Variants in ERAP1 observed in about 807,000 individuals in gnomAD.
ERAP1 encodes the protein endoplasmic reticulum aminopeptidase 1, also known as adipocyte-derived leucine aminopeptidase.
A neutral mutation model predicts 103.7 loss-of-function variants in ERAP1; 86 were observed. The observed-to-expected ratio is 0.83, with a 90% CI of 0.70 to 0.99. ERAP1 has a LOEUF of 0.99. Ranked by LOEUF, ERAP1 falls within the 50% of genes least tolerant of loss-of-function variation. The pLI, the probability that ERAP1 is intolerant of heterozygous loss-of-function variation, is 0.00. For missense variants in ERAP1, 1,009 were observed against 1,128.4 expected (o/e 0.89, Z 1.52); for synonymous variants, 398 against 402.4 (o/e 0.99, Z 0.13).
chr5:96,771,843 C>A, downstream of ERAP1: 1 of 503,378 alleles, frequency 2.0e-6, no homozygotes, highest in Non-Finnish European at 3.6e-6. Flanking sequence ...ACTGCAAGAT[C>A]TACAGAGTAA....
the ERAP1 span, among the ~76,000 whole-genome samples, chr5:96,852,418 A>G: frequency 2.6e-5 from 4 of 152,206 alleles, no homozygotes; most frequent in East Asian, 7.7e-4. Context: ...GCCTCAAAGT[A>G]GAAGTCAGAC....
upstream of ERAP1, among the ~76,000 whole-genome samples, chr5:96,812,907 G>C (rs775950511): frequency 1.3e-5 from 2 of 152,194 alleles, no homozygotes; most frequent in Non-Finnish European, 2.9e-5. Flanking sequence ...TGGAAAATTA[G>C]ATTGTGATTA....
downstream of ERAP1, chr5:96,773,843 G>A (rs778990695): frequency 2.0e-5 from 3 of 152,226 alleles, no homozygotes; most frequent in Non-Finnish European, 4.4e-5. Context: ...TTTCCAAAGG[G>A]CATGGCCTTC....
At position 96,798,291 on chromosome 5, in the gene ERAP1, C is replaced by A. The variant is rs1247483360; in HGVS notation, c.664-982G>T. Among the ~76,000 whole-genome samples the A allele has an allele frequency of 2.7e-5, 4 of 147,104 alleles. No individual in the cohort carries two copies. The South Asian group carries it at 8.6e-4, about 32-fold the overall frequency. On this transcript the variant is annotated intron_variant, in intron 3 of 18. Transcript: ENST00000443439. ...AGTGAGCCGAGATCACGCCACTGCA[C>A]TCCAGCCTGGATGACAGAGCGAGAC...
the ERAP1 span, among the ~76,000 whole-genome samples, chr5:96,836,610 G>T: frequency 1.3e-5 from 2 of 152,184 alleles, no homozygotes; most frequent in Non-Finnish European, 2.9e-5. Context: ...GTGGCAAGGA[G>T]TTCAAATAAT....
At chr5:96,861,401 C>T in the ERAP1 span, among the ~76,000 whole-genome samples, 12 of 152,266 alleles carry the variant, frequency 7.9e-5, no homozygotes, top group South Asian at 8.3e-4. Context: ...TGAGCCCCAG[C>T]GGATCTGAAT....
the ERAP1 span, among the ~76,000 whole-genome samples, chr5:96,821,958 T>C: frequency 1.3e-5 from 2 of 152,214 alleles, no homozygotes; most frequent in African/African-American, 4.8e-5. Flanking sequence ...GGTGTGGGTA[T>C]ACTCATGTGT....
upstream of ERAP1, chr5:96,808,261 T>TGTGTGTGTGTGTGTGTGTGTG (rs1387638650): frequency 2.3e-5 from 19 of 837,692 alleles, no homozygotes; most frequent in Admixed American, 1.5e-4. Context: ...TGTGTGTGTG[T>TGTGTGTGTGTGTGTGTGTGTG]TGAGATGCTT....
downstream of ERAP1, chr5:96,773,659 G>T (rs1773246715): frequency 6.6e-6 from 1 of 152,034 alleles, no homozygotes; most frequent in Non-Finnish European, 1.5e-5. Flanking sequence ...TAAGAAGTAG[G>T]CTCTGATGTC....
At chr5:96,895,450 T>A in the ERAP1 span, 1 of 913,720 alleles carries the variant, frequency 1.1e-6, no homozygotes, top group Non-Finnish European at 1.7e-6. Context: ...ACAGAAAAAC[T>A]ACATAATGTT....
Position 96,774,944 on chromosome 5 carries a change from T to G in ERAP1, c.*1452A>C. The G allele has an allele frequency of 2.0e-6, 2 of 984,058 alleles. No individual in the cohort carries two copies. Among genetic ancestry groups the G allele is most frequent in the South Asian group, 4.7e-5 (1 of 21,220 alleles). 61.0% of individuals were successfully genotyped at this position (984,058 alleles called of 1,614,324 possible). A position where few individuals can be genotyped will look rare whatever the true frequency, so the allele number is the denominator to read the frequency against. On this transcript the variant is annotated 3_prime_UTR_variant, in exon 19 of 19. Coordinates refer to ENST00000443439, the MANE Select transcript of ERAP1 (RefSeq NM_001040458.3). ...CAATCATCAATCATATTCCCTTATC[T>G]TGAAGTTTTTGCCTTATATTCAAAA...
the ERAP1 span, among the ~76,000 whole-genome samples, chr5:96,924,141 G>A: frequency 0.026 from 3,989 of 152,336 alleles, 176 homozygotes; most frequent in African/African-American, 0.091. Context: ...GATGGTATAT[G>A]TCTGTGTCAT....
At chr5:96,804,204 G>C (rs1036082475) in intron 1 of ERAP1, 7 of 465,562 alleles carry the variant, frequency 1.5e-5, no homozygotes, top group Non-Finnish European at 2.4e-5. Flanking sequence ...TACCTGTCAG[G>C]GTTCTTGGTT....
the ERAP1 span, among the ~76,000 whole-genome samples, chr5:96,835,274 T>C: frequency 6.6e-6 from 1 of 152,174 alleles, no homozygotes; most frequent in Non-Finnish European, 1.5e-5. Flanking sequence ...TCTTTGGAGT[T>C]TGAGTGATCC....
intron 15 of ERAP1, among the ~76,000 whole-genome samples, chr5:96,782,226 G>A (rs912133655): frequency 6.6e-6 from 1 of 151,834 alleles, no homozygotes; most frequent in Admixed American, 6.6e-5. Context: ...AGCCAGGATG[G>A]TCTTGATCCC....
chr5:96,886,814 C>T, the ERAP1 span: 23 of 1,418,100 alleles, frequency 1.6e-5, no homozygotes, highest in Admixed American at 2.6e-4. Context: ...TAACGTTCTA[C>T]GCAGTGCAGA....
At chr5:96,870,398 A>G in the ERAP1 span, among the ~76,000 whole-genome samples, 4 of 152,206 alleles carry the variant, frequency 2.6e-5, no homozygotes, top group African/African-American at 7.2e-5. Context: ...GTCCTGGCTA[A>G]TATGAATGAC....
At chr5:96,915,678 T>A in the ERAP1 span, 1 of 1,506,164 alleles carries the variant, frequency 6.6e-7, no homozygotes, top group Non-Finnish European at 8.9e-7. Flanking sequence ...GTGTTTCTTT[T>A]TATTTTCAGA....
Position 96,775,982 on chromosome 5 carries a change from C to T in ERAP1, c.*414G>A, listed in dbSNP as rs548145943. On this transcript the variant is annotated 3_prime_UTR_variant, in exon 19 of 19. Transcript: ENST00000443439. ...GGAGAGCTTTAACCCAGTCATCGTC[C>T]GGCTTAGTCTCAGATCCAGGTGTTC... is the stretch of plus-strand genomic sequence containing the variant. The T allele has an allele frequency of 7.1e-5, 76 of 1,068,426 alleles. No homozygotes were observed. Among genetic ancestry groups the T allele is most frequent in the Admixed American group, 9.5e-5 (2 of 21,048 alleles). The allele number at this position is 1,068,426 out of a possible 1,614,324, so 66.2% of individuals were successfully genotyped here.
Sources: allele counts gnomAD v4.1 joint callset (sites outside exome capture counted in the v4.1 genomes callset), GRCh38; gene constraint gnomAD v4.1.1; transcripts MANE v1.5; gene names NCBI Gene and HGNC (gene_info 2026-07-23, HGNC 2026-07-21).